Variants in TRPV1 observed in about 807,000 individuals in gnomAD.
The protein encoded by TRPV1 is OTRPC1.
TRPV1 carries 82 observed loss-of-function variants against 82.3 expected under a neutral mutation model. The observed-to-expected ratio is 1.00, with a 90% confidence interval of 0.83 to 1.20. TRPV1 has a LOEUF of 1.20. Ranked by LOEUF, TRPV1 falls within the 50% of genes most tolerant of loss-of-function variation. The probability of loss-of-function intolerance (pLI) is 0.00; values close to 1 mark genes in which losing one functional copy is unlikely to be tolerated. For missense variants in TRPV1, 1,067 were observed against 1,096.8 expected (o/e 0.97, Z 0.38); for synonymous variants, 515 against 467.7 (o/e 1.10, Z -1.30).
chr17:3,580,787 C>A (rs949532159), intron 10 of TRPV1, among the ~76,000 whole-genome samples: 2 of 152,162 alleles, frequency 1.3e-5, no homozygotes, highest in Non-Finnish European at 2.9e-5. Context: ...GAGGCCAAGG[C>A]GGGTGGATCA....
intron 16 of TRPV1, among the ~76,000 whole-genome samples, chr17:3,569,585 A>G (rs1298673051): frequency 6.6e-6 from 1 of 152,194 alleles, no homozygotes; most frequent in Non-Finnish European, 1.5e-5. Context: ...CTTTGAGTTA[A>G]AGAAGAAGAA....
intron 2 of TRPV1, among the ~76,000 whole-genome samples, chr17:3,607,917 A>G (rs1306158727): frequency 6.6e-6 from 1 of 152,180 alleles, no homozygotes; most frequent in South Asian, 2.1e-4. Flanking sequence ...GAGGTGTGAC[A>G]GCAAAACTGG....
intron 14 of TRPV1, 95 bp downstream of exon 14, chr17:3,573,538 A>ACCCC: frequency 1.6e-5 from 4 of 248,458 alleles, no homozygotes; most frequent in Admixed American, 1.0e-4. Flanking sequence ...CACCGCCCCC[A>ACCCC]CCACCCACCC....
chr17:3,574,109 A>G lies in TRPV1; in HGVS notation c.1781-154T>C, dbSNP rs529446424. Among the ~76,000 whole-genome samples the G allele has an allele frequency of 8.5e-4, 130 of 152,286 alleles. No homozygotes were observed. In the Middle Eastern group the frequency reaches 0.014, roughly 16 times the overall value. ...TTAAAACTATCAAAAAAATTTTCAT[A>G]GTATATTTTTAAGAACTTTATCATC... On this transcript the variant is annotated intron_variant, in intron 13 of 16. Coordinates refer to ENST00000572705, the MANE Select transcript of TRPV1 (RefSeq NM_080704.4).
chr17:3,584,453 A>C (rs1186649138), intron 9 of TRPV1, among the ~76,000 whole-genome samples: 1 of 149,088 alleles, frequency 6.7e-6, no homozygotes, highest in Non-Finnish European at 1.5e-5. Flanking sequence ...ATGTGGCCTT[A>C]ATAGGTGGAC....
Position 3,580,224 on chromosome 17 carries a change from C to T in TRPV1, c.1547+233G>A, listed in dbSNP as rs115682486. ...AATGAGTGGGAAGGTGAACAAGGTC[C>T]GTCTCACTCGGACTGTAAGTCACGG... On this transcript the variant is annotated intron_variant, in intron 11 of 16. Transcript: ENST00000572705. 8.4e-3 allele frequency among the ~76,000 whole-genome samples: 1,284 copies of T among 152,304 alleles called. 12 individuals are homozygous for T. Among genetic ancestry groups the T allele is most frequent in the African/African-American group, 0.029 (1,194 of 41,568 alleles).
At chr17:3,572,966 GAGTA>G in intron 14 of TRPV1, among the ~76,000 whole-genome samples, 1 of 127,854 alleles carries the variant, frequency 7.8e-6, no homozygotes, top group Admixed American at 8.8e-5. Context: ...CTGGGTGACA[GAGTA>G]AGACTCCATC....
At position 3,592,372 on chromosome 17, in the gene TRPV1, C is replaced by A. The variant is rs1366449405; in HGVS notation, c.-22G>T. 1 of 1,573,608 alleles carries A rather than the reference C, an allele frequency of 6.4e-7. No homozygotes were observed. Among genetic ancestry groups the A allele is most frequent in the Non-Finnish European group, 8.6e-7 (1 of 1,159,764 alleles). ...TCATCCTTGCTGGATCCTCTGTGGC[C>A]CAGTGTGCAACCTGCAGCAGCCACC... is the stretch of plus-strand genomic sequence containing the variant. On this transcript the variant is annotated 5_prime_UTR_variant, in exon 3 of 17. Coordinates refer to ENST00000572705, the MANE Select transcript of TRPV1 (RefSeq NM_080704.4).
At chr17:3,581,710 C>T (rs1366365158) in intron 10 of TRPV1, among the ~76,000 whole-genome samples, 1 of 148,476 alleles carries the variant, frequency 6.7e-6, no homozygotes, top group East Asian at 2.1e-4. Flanking sequence ...CATGGTGAAA[C>T]CCCGTCTCTA....
intron 10 of TRPV1, among the ~76,000 whole-genome samples, chr17:3,581,070 G>A (rs72822075): frequency 0.014 from 2,062 of 151,340 alleles, 19 homozygotes; most frequent in Non-Finnish European, 0.019. Flanking sequence ...CAGAAGTACA[G>A]ACAGGAAGGA....
At chr17:3,576,388 C>T (rs2074928458) in intron 13 of TRPV1, among the ~76,000 whole-genome samples, 1 of 151,956 alleles carries the variant, frequency 6.6e-6, no homozygotes. Context: ...TGCAGTGGCT[C>T]ATGCCTGTAA....
In TRPV1 at chr17:3,572,334, A is replaced by G. The variant is rs573384561; in HGVS notation, c.2104-85T>C. The stretch of plus-strand genomic sequence containing the variant: ...CCTGGCTGCCAGTATCCAGCTCCCC[A>G]GGGGCTCTCCCAGGCCTAGATGCCT... On this transcript the variant is annotated intron_variant, in intron 14 of 16. Transcript: ENST00000572705. 7.3e-6 allele frequency: 11 copies of G among 1,496,862 alleles called. No individual in the cohort carries two copies. The Admixed American group carries it at 1.4e-4, about 19-fold the overall frequency. 92.7% of individuals were successfully genotyped at this position (1,496,862 alleles called of 1,614,324 possible).
chr17:3,590,278 G>T lies in TRPV1; in HGVS notation c.719C>A (p.Thr240Asn). ...GAAGTAGAATCCAGGCCGCCCTTTGGTTTTCTTAAAGAAGTCCCCATGGGC... is the reference window on the plus strand; with the variant it reads ...GAAGTAGAATCCAGGCCGCCCTTTGTTTTTCTTAAAGAAGTCCCCATGGGC... ...AAAHGDFFKKTKGRPGFYFGE... is the reference protein window; with the variant it reads ...AAAHGDFFKKNKGRPGFYFGE... Residue 240 changes from threonine to asparagine, a missense_variant, in exon 6 of 17, where the codon ACC (threonine) becomes AAC (asparagine). Physicochemically the swap from Thr to Asn is moderately conservative, Grantham distance 65. Coordinates refer to ENST00000572705, the MANE Select transcript of TRPV1 (RefSeq NM_080704.4). The T allele has an allele frequency of 5.6e-6, 9 of 1,613,948 alleles. No homozygotes were observed. Among genetic ancestry groups the T allele is most frequent in the Non-Finnish European group, 7.6e-6 (9 of 1,179,888 alleles).
chr17:3,577,656 A>C lies in TRPV1; in HGVS notation c.1655T>G (p.Met552Arg), dbSNP rs1393857396. The change falls in exon 12 of 17, where the codon ATG becomes AGG. Residue 552 changes from methionine (M) to arginine (R), a missense_variant. Physicochemically the swap from Met to Arg is moderately conservative, Grantham distance 91. Coordinates refer to ENST00000572705, the MANE Select transcript of TRPV1 (RefSeq NM_080704.4). ...CTGGAAACCGCGGGTGTAGTAGAGC[A>C]TGTTGGTCCAGCCCAAGGCCAGGGA... The part of the protein sequence containing the change: ...VFSLALGWTN[M>R]LYYTRGFQQM... 1 of 1,586,780 alleles carries C rather than the reference A, an allele frequency of 6.3e-7. No homozygotes were observed. Among genetic ancestry groups the C allele is most frequent in the Non-Finnish European group, 8.6e-7 (1 of 1,167,010 alleles).
intron 2 of TRPV1, among the ~76,000 whole-genome samples, chr17:3,603,230 T>G (rs2075276791): frequency 6.6e-6 from 1 of 152,054 alleles, no homozygotes; most frequent in Admixed American, 6.5e-5. Context: ...CCAGCTTCCG[T>G]GGAGGGCAGC....
At position 3,565,887 on chromosome 17, in the gene TRPV1, G is replaced by T. The variant is rs1419384654; in HGVS notation, c.*928C>A. On this transcript the variant is annotated 3_prime_UTR_variant, in exon 17 of 17. Transcript: ENST00000572705. ...TTGCTCCTAATAATATAAAATCAAA[G>T]AAGGCCGAGCGCAGCGGCTCACACC... 6.6e-6 allele frequency: 1 copy of T among 152,240 alleles called. No homozygotes were observed. Among genetic ancestry groups the T allele is most frequent in the Non-Finnish European group, 1.5e-5 (1 of 68,074 alleles). 9.4% of individuals were successfully genotyped at this position (152,240 alleles called of 1,614,324 possible). A position where few individuals can be genotyped will look rare whatever the true frequency, so the allele number is the denominator to read the frequency against.
Position 3,588,230 on chromosome 17 carries a change from G to C in TRPV1, c.1182C>G (p.Asn394Lys). 1 of 1,578,582 alleles carries C rather than the reference G, an allele frequency of 6.3e-7. No individual in the cohort carries two copies. The highest frequency in any genetic ancestry group is 8.6e-7 in the Non-Finnish European group (1 of 1,162,818). The change falls in exon 8 of 17, where the codon AAC (asparagine) becomes AAG (lysine). Residue 394 changes from asparagine (N) to lysine (K), a missense_variant. Transcript: ENST00000572705. ...TGTAGGCGATCACCTCCAGCACCGA[G>C]TTCTTCTCGCAGGTGTCGATGCAGG... Reference protein sequence around the residue: ...DLSCIDTCEKNSVLEVIAYSS... With the variant: ...DLSCIDTCEKKSVLEVIAYSS...
At position 3,589,182 on chromosome 17, in the gene TRPV1, A is replaced by G. The variant is rs1472667732; in HGVS notation, c.1044+625T>C. Among the ~76,000 whole-genome samples, 3 of 149,694 alleles carry G rather than the reference A, an allele frequency of 2.0e-5. No individual in the cohort carries two copies. In the South Asian group the frequency reaches 6.3e-4, roughly 32 times the overall value. ...CTGCCATGCTCCTGCCTGCCATGGA[A>G]AAACACCAACAGCTTTTTTCTTTTT... On this transcript the variant is annotated intron_variant, in intron 7 of 16. Coordinates refer to ENST00000572705, the MANE Select transcript of TRPV1 (RefSeq NM_080704.4).
chr17:3,574,167 T>C (rs568948850), intron 13 of TRPV1, among the ~76,000 whole-genome samples: 2 of 152,290 alleles, frequency 1.3e-5, no homozygotes, highest in Admixed American at 1.3e-4. Context: ...TATATAAGTC[T>C]CTATGTGCAA....
Sources: gnomAD v4.1 joint callset for allele counts (sites outside exome capture counted in the v4.1 genomes callset) on GRCh38, gnomAD v4.1.1 for gene constraint, MANE v1.5 for transcripts, NCBI Gene and HGNC (gene_info 2026-07-23, HGNC 2026-07-21) for gene names.